BLTP3B: variants seen among roughly 807,000 people sequenced by gnomAD.
The protein encoded by BLTP3B is bridge-like lipid transfer protein family member 3B, also known as UHRF1 (ICBP90) binding protein 1-like.
At chr12:100,041,546 C>A in the BLTP3B span, among the ~76,000 whole-genome samples, 1 of 148,504 alleles carries the variant, frequency 6.7e-6, no homozygotes, top group Admixed American at 6.8e-5. Context: ...AAGTGATTCT[C>A]CTGCCTCAGC....
chr12:100,047,754 G>A, the BLTP3B span: 533 of 1,049,328 alleles, frequency 5.1e-4, 2 homozygotes, highest in African/African-American at 7.7e-3. Flanking sequence ...AAAACTGCCT[G>A]TTATATTTTG....
chr12:100,100,230 G>A, the BLTP3B span, among the ~76,000 whole-genome samples: 1 of 151,150 alleles, frequency 6.6e-6, no homozygotes, highest in Non-Finnish European at 1.5e-5. Flanking sequence ...GCTTCAGTAT[G>A]GGAGGTGGAG....
At chr12:100,102,994 T>C in the BLTP3B span, 5 of 525,144 alleles carry the variant, frequency 9.5e-6, no homozygotes, top group Non-Finnish European at 1.6e-5. Context: ...TAAGTGCCTC[T>C]CTACAGGTCT....
chr12:100,113,291 C>T, the BLTP3B span, among the ~76,000 whole-genome samples: 2 of 152,154 alleles, frequency 1.3e-5, no homozygotes, highest in East Asian at 1.9e-4. Flanking sequence ...TCCTGGCCAA[C>T]GTGGCGAAAC....
chr12:100,119,050 C>T, the BLTP3B span, among the ~76,000 whole-genome samples: 2 of 151,920 alleles, frequency 1.3e-5, no homozygotes, highest in Non-Finnish European at 2.9e-5. Context: ...TGCAGTGAGC[C>T]GAGATCGCGC....
chr12:100,083,205 G>T, the BLTP3B span: 1 of 1,063,202 alleles, frequency 9.4e-7, no homozygotes, highest in Middle Eastern at 2.0e-4. Flanking sequence ...TATTATTAAG[G>T]CAGGTACCAG....
the BLTP3B span, among the ~76,000 whole-genome samples, chr12:100,063,942 C>T: frequency 2.0e-5 from 3 of 152,002 alleles, no homozygotes; most frequent in Non-Finnish European, 4.4e-5. Flanking sequence ...AGAAGAAATC[C>T]CTGATTTACT....
chr12:100,067,986 C>A, the BLTP3B span, among the ~76,000 whole-genome samples: 1 of 151,990 alleles, frequency 6.6e-6, no homozygotes, highest in South Asian at 2.1e-4. Context: ...CTTCACAGAA[C>A]TAGAAAAAAA....
chr12:100,080,283 C>T, the BLTP3B span, among the ~76,000 whole-genome samples: 1 of 152,116 alleles, frequency 6.6e-6, no homozygotes, highest in South Asian at 2.1e-4. Context: ...ATGAAAGCAG[C>T]CAAGAGGAAG....
At chr12:100,125,193 A>G in the BLTP3B span, among the ~76,000 whole-genome samples, 1 of 150,152 alleles carries the variant, frequency 6.7e-6, no homozygotes, top group East Asian at 2.0e-4. Flanking sequence ...TTAGCCAGAC[A>G]TGGAGGCACA....
chr12:100,081,769 G>A, the BLTP3B span, among the ~76,000 whole-genome samples: 1 of 152,186 alleles, frequency 6.6e-6, no homozygotes, highest in Admixed American at 6.5e-5. Flanking sequence ...TGGCTACATA[G>A]TACTCTGCGG....
chr12:100,125,052 C>T, the BLTP3B span, among the ~76,000 whole-genome samples: 1 of 140,600 alleles, frequency 7.1e-6, no homozygotes, highest in Non-Finnish European at 1.5e-5. Context: ...GGCATTGAGG[C>T]CGGGCACAGT....
At chr12:100,037,833 G>A in the BLTP3B span, 8 of 1,291,874 alleles carry the variant, frequency 6.2e-6, no homozygotes, top group Non-Finnish European at 8.3e-6. Flanking sequence ...GTATCCAAAG[G>A]TATGACACTT....
At chr12:100,136,153 G>A in the BLTP3B span, among the ~76,000 whole-genome samples, 1 of 150,856 alleles carries the variant, frequency 6.6e-6, no homozygotes, top group Admixed American at 6.6e-5. Flanking sequence ...AGAGGTTGCA[G>A]TGAGCTGAGA....
chr12:100,054,346 T>A, the BLTP3B span, among the ~76,000 whole-genome samples: 1 of 152,094 alleles, frequency 6.6e-6, no homozygotes, highest in Non-Finnish European at 1.5e-5. Context: ...ATTCATAAAA[T>A]AAATAACAGT....
the BLTP3B span, chr12:100,142,496 CAGCCGCCAGGCGCCGCCGCCCCCGA>C: frequency 2.2e-6 from 3 of 1,389,334 alleles, no homozygotes; most frequent in Non-Finnish European, 3.0e-6. Context: ...GCCTCCCGCA[CAGCCGCCAGGCGCCGCCGCCCCCGA>C]AGCCGCAGGC....
At chr12:100,115,608 A>T in the BLTP3B span, among the ~76,000 whole-genome samples, 1 of 152,062 alleles carries the variant, frequency 6.6e-6, no homozygotes, top group Non-Finnish European at 1.5e-5. Flanking sequence ...TGTCTCTACA[A>T]AAAATTTTTA....
the BLTP3B span, chr12:100,098,677 A>G: frequency 1.2e-6 from 1 of 817,172 alleles, no homozygotes; most frequent in Non-Finnish European, 1.8e-6. Context: ...TGAGGCAGGC[A>G]GATCACTTGA....
chr12:100,039,696 T>G, the BLTP3B span: 6 of 1,614,116 alleles, frequency 3.7e-6, no homozygotes, highest in Non-Finnish European at 5.1e-6. Flanking sequence ...GACACTGCGT[T>G]GTTTCTTCAG....
Sources: allele counts gnomAD v4.1 joint callset (sites outside exome capture counted in the v4.1 genomes callset), GRCh38; gene constraint gnomAD v4.1.1; transcripts MANE v1.5; gene names NCBI Gene and HGNC (gene_info 2026-07-23, HGNC 2026-07-21).